Variants in WWC2 observed in about 807,000 individuals in gnomAD.
WWC2 encodes protein WWC2.
WWC2 carries 101 observed loss-of-function variants against 138.5 expected under a neutral mutation model. That is an observed-to-expected ratio of 0.73 (90% CI 0.62 to 0.86). The LOEUF is 0.86. Among genes scored for constraint, WWC2 ranks in the 40% least tolerant of loss-of-function variants. WWC2 has a pLI of 0.00. For missense variants in WWC2, 1,420 were observed against 1,419.4 expected, an observed-to-expected ratio of 1.00 and a Z score of -0.01; for synonymous variants, 558 against 538.4, an observed-to-expected ratio of 1.04 and a Z score of -0.50.
chr4:183,282,247 C>G (rs1405297282), intron 17 of WWC2, among the ~76,000 whole-genome samples: 2 of 152,194 alleles, frequency 1.3e-5, no homozygotes, highest in Admixed American at 1.3e-4. Context: ...AGAAGAAAAA[C>G]TTCCTTAACG....
chr4:183,192,931 A>G (rs1308035183), intron 1 of WWC2, among the ~76,000 whole-genome samples: 2 of 152,222 alleles, frequency 1.3e-5, no homozygotes, highest in African/African-American at 2.4e-5. Context: ...CATTAGTTTT[A>G]AAGAGAAAAA....
At position 183,099,632 on chromosome 4, in the gene WWC2, G is replaced by T; in HGVS notation, c.131+10G>T. 7.5e-7 allele frequency: 1 copy of T among 1,325,462 alleles called. No homozygotes were observed. The highest frequency in any genetic ancestry group is 1.9e-5 in the South Asian group (1 of 52,216). 82.1% of individuals were successfully genotyped at this position (1,325,462 alleles called of 1,614,324 possible). ...TCGACCCCCGGGACAGGTGGGCGCC[G>T]GCCGCGGGGGCGCGGGCCCGTTCGG... On this transcript the variant is annotated intron_variant, in intron 1 of 22. Transcript: ENST00000403733.
At chr4:183,179,260 T>C (rs916299789) in intron 1 of WWC2, among the ~76,000 whole-genome samples, 3 of 152,152 alleles carry the variant, frequency 2.0e-5, no homozygotes, top group Non-Finnish European at 4.4e-5. Flanking sequence ...AGAACTGGAA[T>C]GAGAGCTGGT....
At chr4:183,276,097 T>A (rs1422288214) in intron 16 of WWC2, among the ~76,000 whole-genome samples, 1 of 152,172 alleles carries the variant, frequency 6.6e-6, no homozygotes, top group Non-Finnish European at 1.5e-5. Context: ...TACCTCTTGT[T>A]TTAAAATCTA....
chr4:183,114,066 T>C, intron 1 of WWC2, among the ~76,000 whole-genome samples: 1 of 152,152 alleles, frequency 6.6e-6, no homozygotes, highest in African/African-American at 2.4e-5. Flanking sequence ...AGTTTGAATA[T>C]GTGTCCCCAC....
rs1489242956 is a variant in WWC2 at position 183,247,604 on chromosome 4, G to GCTATATATACTATATATACTATATA, written c.733-1067_733-1043dup. On this transcript the variant is annotated intron_variant, in intron 6 of 22. Coordinates refer to ENST00000403733, the MANE Select transcript of WWC2 (RefSeq NM_024949.6). ...TATATACTATATATATGCTATATAT[G>GCTATATATACTATATATACTATATA]CTATATATACTATATATACTATATA... is the stretch of plus-strand genomic sequence containing the variant. 2.4e-3 allele frequency among the ~76,000 whole-genome samples: 252 copies of GCTATATATACTATATATACTATATA among 106,766 alleles called. 1 individual carries two copies. Among genetic ancestry groups the GCTATATATACTATATATACTATATA allele is most frequent in the Middle Eastern group, 5.6e-3 (1 of 178 alleles). 70.0% of individuals were successfully genotyped at this position (106,766 alleles called of 152,430 possible).
intron 1 of WWC2, among the ~76,000 whole-genome samples, chr4:183,108,852 G>T (rs1354956750): frequency 1.3e-5 from 2 of 152,062 alleles, no homozygotes; most frequent in African/African-American, 2.4e-5. Flanking sequence ...CTAGTGATCT[G>T]CCTGCCTCGG....
chr4:183,255,783 A>C lies in WWC2; in HGVS notation c.1196+1784A>C, dbSNP rs576090341. Among the ~76,000 whole-genome samples the C allele has an allele frequency of 2.0e-5, 3 of 152,282 alleles. No homozygotes were observed. In the East Asian group the frequency reaches 5.8e-4, roughly 29 times the overall value. ...GATAGCAATTTGTTCCTGAGAACCT[A>C]AACTTTGACTTTTTCCTAAGTACCT... On this transcript the variant is annotated intron_variant, in intron 9 of 22. Transcript: ENST00000403733.
chr4:183,156,903 G>A (rs1357218645), intron 1 of WWC2, among the ~76,000 whole-genome samples: 2 of 151,720 alleles, frequency 1.3e-5, no homozygotes, highest in Middle Eastern at 3.2e-3. Context: ...TTTCCTTCCC[G>A]CCCTTTATAC....
At chr4:183,254,363 C>T (rs1010602863) in intron 9 of WWC2, among the ~76,000 whole-genome samples, 1 of 152,208 alleles carries the variant, frequency 6.6e-6, no homozygotes, top group African/African-American at 2.4e-5. Context: ...GGTTTTATTA[C>T]TCACAGGAAT....
rs371242253 is a variant in WWC2 at position 183,309,593 on chromosome 4, G to T, written c.3385-2748G>T. 8.5e-5 allele frequency among the ~76,000 whole-genome samples: 13 copies of T among 152,254 alleles called. No homozygotes were observed. The East Asian group carries it at 1.3e-3, about 16-fold the overall frequency. On this transcript the variant is annotated intron_variant, in intron 21 of 22. Transcript: ENST00000403733. ...GACAACACCAAATCCTGACAAGGAT[G>T]TGGAGCAACAGGAACTCTCAGCCAT...
chr4:183,203,743 C>T (rs1053177178), intron 2 of WWC2: 1 of 152,164 alleles, frequency 6.6e-6, no homozygotes, highest in African/African-American at 2.4e-5. Flanking sequence ...TTATTCAGTT[C>T]TCTAGTAGAA....
chr4:183,149,670 CTTT>C (rs554589228), intron 1 of WWC2, among the ~76,000 whole-genome samples: 1 of 132,290 alleles, frequency 7.6e-6, no homozygotes, highest in Non-Finnish European at 1.6e-5. Context: ...TAGCTTCTCT[CTTT>C]TTTTTTTTTT....
intron 21 of WWC2, among the ~76,000 whole-genome samples, chr4:183,291,796 A>G (rs1738460807): frequency 6.6e-6 from 1 of 152,220 alleles, no homozygotes; most frequent in Non-Finnish European, 1.5e-5. Flanking sequence ...TTGTATAGAG[A>G]GAAGCTCAGT....
intron 21 of WWC2, among the ~76,000 whole-genome samples, chr4:183,294,732 G>T (rs1271124990): frequency 6.7e-6 from 1 of 149,854 alleles, no homozygotes; most frequent in East Asian, 2.0e-4. Flanking sequence ...TCTTTGAAAA[G>T]TACCATAAAT....
intron 1 of WWC2, among the ~76,000 whole-genome samples, chr4:183,106,812 GTACT>G (rs1743375975): frequency 1.3e-5 from 2 of 151,748 alleles, no homozygotes; most frequent in Admixed American, 1.3e-4. Flanking sequence ...ACCATATTTT[GTACT>G]TTCATTAGCT....
chr4:183,143,506 A>G (rs1434493115), intron 1 of WWC2, among the ~76,000 whole-genome samples: 1 of 152,198 alleles, frequency 6.6e-6, no homozygotes, highest in Non-Finnish European at 1.5e-5. Flanking sequence ...TGTGTTTTTA[A>G]TAATATACAA....
In WWC2 at chr4:183,261,047, G is replaced by A. The variant is rs143129779; in HGVS notation, c.1424G>A (p.Ser475Asn). The A allele has an allele frequency of 1.2e-6, 2 of 1,614,032 alleles. No individual in the cohort carries two copies. Among genetic ancestry groups the A allele is most frequent in the African/African-American group, 2.7e-5 (2 of 75,044 alleles). The change falls in exon 11 of 23, where the codon AGT becomes AAT. Residue 475 changes from serine to asparagine, a missense_variant. Physicochemically the swap from Ser to Asn is conservative, Grantham distance 46. Coordinates refer to ENST00000403733, the MANE Select transcript of WWC2 (RefSeq NM_024949.6). ...SSTELYYSSQ[S>N]DQIDVDYQYK... is the part of the protein sequence containing the mutation. ...ACCGAACTCTATTACAGCAGTCAAAGTGATCAGATAGATGTGGATTATCAG... is the reference window on the plus strand; with the variant it reads ...ACCGAACTCTATTACAGCAGTCAAAATGATCAGATAGATGTGGATTATCAG...
chr4:183,199,744 A>G (rs1735250759), intron 2 of WWC2, among the ~76,000 whole-genome samples: 1 of 152,196 alleles, frequency 6.6e-6, no homozygotes, highest in Non-Finnish European at 1.5e-5. Flanking sequence ...AGCTCTTGTA[A>G]TTCACATGTG....
Sources: allele counts gnomAD v4.1 joint callset (sites outside exome capture counted in the v4.1 genomes callset), GRCh38; gene constraint gnomAD v4.1.1; transcripts MANE v1.5; gene names NCBI Gene and HGNC (gene_info 2026-07-23, HGNC 2026-07-21).